PTPRG: variants seen among roughly 807,000 people sequenced by gnomAD.
PTPRG encodes the protein receptor-type tyrosine-protein phosphatase gamma.
Under a neutral mutation model 165.3 loss-of-function variants are expected in PTPRG, and 102 were observed. The observed-to-expected ratio is 0.62, with a 90% confidence interval of 0.53 to 0.73. The LOEUF (loss-of-function observed/expected upper bound fraction) is 0.73, where lower values mean the gene tolerates loss of function less well. Among genes scored for constraint, PTPRG ranks in the 30% least tolerant of loss-of-function variants. PTPRG has a pLI of 0.00. For synonymous variants in PTPRG, 675 were observed against 669.5 expected, an observed-to-expected ratio of 1.01 and a Z score of -0.13; for missense variants, 1,866 against 1,861.4, an observed-to-expected ratio of 1.00 and a Z score of -0.05.
intron 1 of PTPRG, among the ~76,000 whole-genome samples, chr3:61,637,720 C>G (rs545507686): frequency 6.6e-6 from 1 of 152,152 alleles, no homozygotes; most frequent in Non-Finnish European, 1.5e-5. Flanking sequence ...GTGTTGCCAA[C>G]TGTGGATTTG....
chr3:62,170,165 T>G (rs1705162124), intron 8 of PTPRG, among the ~76,000 whole-genome samples: 2 of 151,998 alleles, frequency 1.3e-5, no homozygotes, highest in African/African-American at 2.4e-5. Context: ...AATGGGAGAA[T>G]TAAGAAGCTC....
intron 26 of PTPRG, among the ~76,000 whole-genome samples, chr3:62,280,273 A>G (rs188408568): frequency 1.2e-4 from 18 of 152,100 alleles, no homozygotes; most frequent in Non-Finnish European, 2.9e-5. Context: ...TAGATAATTT[A>G]TGGGCCCCCT....
At chr3:62,230,309 G>A (rs1167065413) in intron 13 of PTPRG, among the ~76,000 whole-genome samples, 2 of 152,162 alleles carry the variant, frequency 1.3e-5, no homozygotes, top group East Asian at 1.9e-4. Flanking sequence ...ACCACCAGCG[G>A]ACTCAATAGT....
intron 14 of PTPRG, among the ~76,000 whole-genome samples, chr3:62,243,163 A>G (rs1412862062): frequency 6.6e-6 from 1 of 151,932 alleles, no homozygotes; most frequent in African/African-American, 2.4e-5. Context: ...TCCTATGATG[A>G]CCAGTGTGTG....
chr3:62,113,253 T>A (rs1214811414), intron 5 of PTPRG, among the ~76,000 whole-genome samples: 2 of 152,130 alleles, frequency 1.3e-5, no homozygotes, highest in Non-Finnish European at 2.9e-5. Context: ...GGCCTGTTCC[T>A]ATTACCTGCC....
At chr3:62,276,891 T>A in intron 24 of PTPRG, 81 bp from the exon 25 acceptor site, 1 of 1,053,222 alleles carries the variant, frequency 9.5e-7, no homozygotes, top group Non-Finnish European at 1.5e-6. Flanking sequence ...ATGTTATTCA[T>A]CAAGCAAATC....
chr3:62,231,366 C>T, intron 14 of PTPRG, 55 bp downstream of exon 14: 1 of 1,435,340 alleles, frequency 7.0e-7, no homozygotes, highest in Non-Finnish European at 9.3e-7. Context: ...GACTGGCTTG[C>T]CAAATTTTTG....
chr3:61,819,182 T>C (rs187846208), intron 2 of PTPRG, among the ~76,000 whole-genome samples: 4 of 152,180 alleles, frequency 2.6e-5, no homozygotes, highest in South Asian at 2.1e-4. Context: ...ATGTGAACCA[T>C]GAATTTTATA....
intron 5 of PTPRG, among the ~76,000 whole-genome samples, chr3:62,125,009 A>G (rs966864738): frequency 2.6e-5 from 4 of 152,200 alleles, no homozygotes; most frequent in African/African-American, 4.8e-5. Flanking sequence ...AGCCCATCAC[A>G]GTCTGCAGTA....
chr3:62,029,027 A>G (rs1699675952), intron 4 of PTPRG, among the ~76,000 whole-genome samples: 2 of 152,192 alleles, frequency 1.3e-5, no homozygotes, highest in Admixed American at 6.5e-5. Context: ...ATGGCCATGG[A>G]ATGCACAACA....
chr3:61,601,393 T>C (rs1033210694), intron 1 of PTPRG, among the ~76,000 whole-genome samples: 2 of 152,254 alleles, frequency 1.3e-5, no homozygotes, highest in African/African-American at 2.4e-5. Flanking sequence ...ACTGAAACAC[T>C]GTAGAATGTG....
At chr3:61,598,183 T>A (rs1452204544) in intron 1 of PTPRG, among the ~76,000 whole-genome samples, 1 of 152,206 alleles carries the variant, frequency 6.6e-6, no homozygotes, top group African/African-American at 2.4e-5. Flanking sequence ...CTTGAGCCAA[T>A]GTAACACATA....
intron 1 of PTPRG, among the ~76,000 whole-genome samples, chr3:61,648,624 A>G (rs568209903): frequency 6.4e-4 from 97 of 152,330 alleles, no homozygotes; most frequent in African/African-American, 2.2e-3. Flanking sequence ...GGAACGTCTA[A>G]TGCCTGCACT....
rs1701428569 is a variant in PTPRG at position 62,252,001 on chromosome 3, A to G, written c.2468-3123A>G. Among the ~76,000 whole-genome samples, 1 of 152,174 alleles carries G rather than the reference A, an allele frequency of 6.6e-6. No homozygotes were observed. The highest frequency in any genetic ancestry group is 2.4e-5 in the African/African-American group (1 of 41,438). On this transcript the variant is annotated intron_variant, in intron 15 of 29. Coordinates refer to ENST00000474889, the MANE Select transcript of PTPRG (RefSeq NM_002841.4). This position sits in a 1 kb window ranked among gnomAD's most constrained non-coding sequence, Gnocchi z 4.6. ...ATGGTGGTTTTCCTCTCATTCTACC[A>G]GCTTTATCATTATCCTGCTTTTGTT...
intron 2 of PTPRG, among the ~76,000 whole-genome samples, chr3:61,772,739 C>T (rs1316777744): frequency 6.6e-6 from 1 of 152,200 alleles, no homozygotes; most frequent in African/African-American, 2.4e-5. Context: ...TCATGATGGA[C>T]ATTCACTTTG....
At chr3:61,880,281 C>T (rs141553282) in intron 2 of PTPRG, among the ~76,000 whole-genome samples, 153 of 152,302 alleles carry the variant, frequency 1.0e-3, no homozygotes, top group African/African-American at 3.1e-3. Context: ...CTCCCCACTG[C>T]TACCTTTTCT....
chr3:62,194,170 A>G (rs1316712929), intron 9 of PTPRG, among the ~76,000 whole-genome samples: 1 of 152,172 alleles, frequency 6.6e-6, no homozygotes, highest in East Asian at 1.9e-4. Flanking sequence ...ACCTACCTAA[A>G]CAAATGGCCG....
chr3:62,198,563 C>G (rs1700024059), intron 10 of PTPRG, among the ~76,000 whole-genome samples: 1 of 152,216 alleles, frequency 6.6e-6, no homozygotes. Context: ...TGGATCCTCT[C>G]TCAGACTGGT....
intron 8 of PTPRG, among the ~76,000 whole-genome samples, chr3:62,171,399 T>C (rs1335272693): frequency 6.6e-6 from 1 of 152,222 alleles, no homozygotes; most frequent in Non-Finnish European, 1.5e-5. Flanking sequence ...ATTTTCCTAT[T>C]TTTACAGCAT....
Sources: gnomAD v4.1 joint callset for allele counts (sites outside exome capture counted in the v4.1 genomes callset) on GRCh38, gnomAD v4.1.1 for gene constraint, Gnocchi (gnomAD v3.1) non-coding constraint, MANE v1.5 for transcripts, NCBI Gene and HGNC (gene_info 2026-07-23, HGNC 2026-07-21) for gene names.